POLR3GL: variants seen among roughly 807,000 people sequenced by gnomAD.
POLR3GL encodes RNA polymerase III subunit GL.
POLR3GL carries 26 observed loss-of-function variants against 32.4 expected under a neutral mutation model. The observed-to-expected ratio is 0.80, with a 90% CI of 0.59 to 1.11. The LOEUF (loss-of-function observed/expected upper bound fraction) is 1.11. POLR3GL is among the 50% of genes most tolerant of loss of function. The probability of loss-of-function intolerance (pLI) is 0.00; values close to 1 mark genes in which losing one functional copy is unlikely to be tolerated. For missense variants in POLR3GL, 229 were observed against 280.1 expected (o/e 0.82, Z 1.30); for synonymous variants, 95 against 98.7 (o/e 0.96, Z 0.22).
Position 145,974,833 on chromosome 1 carries a change from A to C in POLR3GL, c.-33A>C. 1.3e-6 allele frequency: 2 copies of C among 1,487,990 alleles called. No individual in the cohort carries two copies. The highest frequency in any genetic ancestry group is 2.9e-5 in the Admixed American group (1 of 34,766). The allele number at this position is 1,487,990 out of a possible 1,614,324, so 92.2% of individuals were successfully genotyped here. A position where few individuals can be genotyped will look rare whatever the true frequency, so the allele number is the denominator to read the frequency against. On this transcript the variant is annotated 5_prime_UTR_variant, in exon 2 of 8. Coordinates refer to ENST00000369314, the MANE Select transcript of POLR3GL (RefSeq NM_032305.3). ...GTTTTTGTCTTTATTAGGTTTATTC[A>C]CTGGATCTCTGAATACCCAGGCCCC...
At chr1:145,969,279 T>A (rs912454499) in intron 1 of POLR3GL, among the ~76,000 whole-genome samples, 9 of 150,298 alleles carry the variant, frequency 6.0e-5, no homozygotes, top group African/African-American at 2.2e-4. Flanking sequence ...AAAAAAAATT[T>A]TTTTGAGACA....
chr1:145,975,436 G>C lies in POLR3GL; in HGVS notation c.256G>C (p.Asp86His). The C allele has an allele frequency of 6.2e-7, 1 of 1,613,228 alleles. No homozygotes were observed. The highest frequency in any genetic ancestry group is 1.1e-5 in the South Asian group (1 of 91,066). ...CATCCGGCCAGCTGTCCCCAAGAGA[G>C]GTCAGTTGGAATGCTAGCATCATAT... ...YFIRPAVPKR[D>H]VERYSDKYQM... The change falls in exon 3 of 8, where the codon GAT becomes CAT. Residue 86 changes from aspartate (D) to histidine (H), a missense_variant and splice_region_variant. Asp to His is a moderately conservative substitution (Grantham distance 81). Transcript: ENST00000369314.
chr1:145,978,735 G>A lies in POLR3GL; in HGVS notation c.*288G>A. ...TGGGGTTGTTAGAGCTGAGATGACT[G>A]TACACATACCCCTGCCCAATTTATA... On this transcript the variant is annotated 3_prime_UTR_variant, in exon 8 of 8. Transcript: ENST00000369314. 2.6e-6 allele frequency: 1 copy of A among 388,828 alleles called. No homozygotes were observed. Among genetic ancestry groups the A allele is most frequent in the Non-Finnish European group, 4.6e-6 (1 of 215,202 alleles). The allele number at this position is 388,828 out of a possible 1,614,324, so 24.1% of individuals were successfully genotyped here. A position where few individuals can be genotyped will look rare whatever the true frequency, so the allele number is the denominator to read the frequency against.
At chr1:145,971,142 C>T (rs1423715842) in intron 1 of POLR3GL, among the ~76,000 whole-genome samples, 29 of 138,310 alleles carry the variant, frequency 2.1e-4, no homozygotes, top group East Asian at 8.4e-4. Flanking sequence ...GCCGAGATCG[C>T]GCCATTGCAC....
chr1:145,978,532 T>C lies in POLR3GL; in HGVS notation c.*85T>C. 1 of 914,842 alleles carries C rather than the reference T, an allele frequency of 1.1e-6. No individual in the cohort carries two copies. Among genetic ancestry groups the C allele is most frequent in the South Asian group, 1.4e-5 (1 of 71,352 alleles). 56.7% of individuals were successfully genotyped at this position (914,842 alleles called of 1,614,324 possible). ...TTTGTTTCTTCAGACAAGCAAATCA[T>C]TTGGTCAGAGTTCATATAATCTGTC... On this transcript the variant is annotated 3_prime_UTR_variant, in exon 8 of 8. Transcript: ENST00000369314.
chr1:145,964,894 C>T (rs1649950939), intron 1 of POLR3GL, 126 bp downstream of exon 1: 4 of 152,240 alleles, frequency 2.6e-5, no homozygotes, highest in Admixed American at 6.5e-5. Context: ...CCGTTTCTCC[C>T]CTGGGCTTCC....
intron 1 of POLR3GL, among the ~76,000 whole-genome samples, chr1:145,974,098 C>T (rs1650445991): frequency 6.6e-6 from 1 of 151,958 alleles, no homozygotes; most frequent in African/African-American, 2.4e-5. Context: ...CACCACGGCA[C>T]TCCAGCCTGG....
intron 1 of POLR3GL, among the ~76,000 whole-genome samples, chr1:145,966,116 C>CA (rs58691867): frequency 0.12 from 4,241 of 34,050 alleles, 120 homozygotes; most frequent in African/African-American, 0.16. Flanking sequence ...AACTCCCTCT[C>CA]AAAAAAAAAA....
chr1:145,968,624 T>G (rs1218646212), intron 1 of POLR3GL, among the ~76,000 whole-genome samples: 1 of 150,152 alleles, frequency 6.7e-6, no homozygotes, highest in Non-Finnish European at 1.5e-5. Flanking sequence ...CAGGCTGGAG[T>G]GCAGTGGCAC....
intron 1 of POLR3GL, among the ~76,000 whole-genome samples, chr1:145,972,932 C>T (rs749982096): frequency 6.6e-6 from 1 of 152,024 alleles, no homozygotes; most frequent in Non-Finnish European, 1.5e-5. Flanking sequence ...TCCTAGGGCT[C>T]GAGTGATCTG....
chr1:145,972,886 C>T (rs1570995900), intron 1 of POLR3GL, among the ~76,000 whole-genome samples: 3 of 152,074 alleles, frequency 2.0e-5, no homozygotes, highest in South Asian at 2.1e-4. Flanking sequence ...TTTGTAAAGA[C>T]GAGGTTTTGC....
At chr1:145,968,422 C>G (rs974326091) in intron 1 of POLR3GL, among the ~76,000 whole-genome samples, 3 of 152,194 alleles carry the variant, frequency 2.0e-5, no homozygotes, top group African/African-American at 7.2e-5. Context: ...TAACCTCAAA[C>G]TCATGGCCAT....
At chr1:145,967,536 A>AT (rs1422873152) in intron 1 of POLR3GL, among the ~76,000 whole-genome samples, 1 of 151,956 alleles carries the variant, frequency 6.6e-6, no homozygotes, top group Non-Finnish European at 1.5e-5. Flanking sequence ...TATTGAGATG[A>AT]TTTTTTAAAA....
chr1:145,966,526 G>T (rs1650038989), intron 1 of POLR3GL, among the ~76,000 whole-genome samples: 1 of 150,144 alleles, frequency 6.7e-6, no homozygotes, highest in East Asian at 1.9e-4. Context: ...GATGGCTCAT[G>T]CCTGTAATCC....
intron 1 of POLR3GL, among the ~76,000 whole-genome samples, chr1:145,966,116 C>CAAAA (rs58691867): frequency 1.6e-4 from 6 of 37,118 alleles, no homozygotes; most frequent in East Asian, 8.5e-4. Flanking sequence ...AACTCCCTCT[C>CAAAA]AAAAAAAAAA....
intron 1 of POLR3GL, among the ~76,000 whole-genome samples, chr1:145,967,758 C>T: frequency 6.6e-6 from 1 of 152,190 alleles, no homozygotes; most frequent in East Asian, 1.9e-4. Flanking sequence ...TCCATTTAAA[C>T]CCCGTGGGTG....
In POLR3GL at chr1:145,977,539, C is replaced by T. The variant is rs781837509; in HGVS notation, c.382C>T (p.Arg128Trp). The T allele has an allele frequency of 1.2e-5, 20 of 1,613,506 alleles. No homozygotes were observed. The highest frequency in any genetic ancestry group is 1.7e-5 in the Admixed American group (1 of 59,998). ...CCGAGTGCGGAAGCTACAGAAGGAA[C>T]GTGAGTGTATCTGGAAAAAAGGAGG... ...KIRVRKLQKE[R>W]ITILLPKRPP... Residue 128 changes from arginine to tryptophan, a missense_variant and splice_region_variant, in exon 5 of 8, where the codon CGG (arginine) becomes TGG (tryptophan). Transcript: ENST00000369314.
intron 1 of POLR3GL, among the ~76,000 whole-genome samples, chr1:145,966,277 C>T (rs1650024087): frequency 6.7e-6 from 1 of 148,766 alleles, no homozygotes; most frequent in Non-Finnish European, 1.5e-5. Flanking sequence ...CCCAGGAGTT[C>T]AAGACCAGTC....
At chr1:145,969,680 G>A (rs1303014742) in intron 1 of POLR3GL, among the ~76,000 whole-genome samples, 2 of 151,068 alleles carry the variant, frequency 1.3e-5, no homozygotes, top group Non-Finnish European at 3.0e-5. Context: ...CAGCACTTTG[G>A]GAGGCTGAGG....
Sources: allele counts gnomAD v4.1 joint callset (sites outside exome capture counted in the v4.1 genomes callset), GRCh38; gene constraint gnomAD v4.1.1; transcripts MANE v1.5; gene names NCBI Gene and HGNC (gene_info 2026-07-23, HGNC 2026-07-21).